KLHL25: variants seen among roughly 807,000 people sequenced by gnomAD.
The protein encoded by KLHL25 is kelch like family member 25, also known as kelch-like protein 25.
A neutral mutation model predicts 30.0 loss-of-function variants in KLHL25; 41 were observed. The observed-to-expected ratio is 1.37, with a 90% CI of 1.07 to 1.78. The LOEUF (loss-of-function observed/expected upper bound fraction) is 1.78, where lower values mean the gene tolerates loss of function less well. KLHL25 is among the 40% of genes most tolerant of loss of function. The pLI, the probability that KLHL25 is intolerant of heterozygous loss-of-function variation, is 0.00. For synonymous variants in KLHL25, 399 were observed against 355.3 expected, an observed-to-expected ratio of 1.12 and a Z score of -1.38; for missense variants, 971 against 824.5, an observed-to-expected ratio of 1.18 and a Z score of -2.18.
At chr15:85,788,698 G>A (rs1189993007) in intron 1 of KLHL25, among the ~76,000 whole-genome samples, 1 of 152,164 alleles carries the variant, frequency 6.6e-6, no homozygotes, top group Non-Finnish European at 1.5e-5. Context: ...GGAGCTCTTT[G>A]AACCTGACTT....
intron 1 of KLHL25, among the ~76,000 whole-genome samples, chr15:85,794,230 G>A (rs946295271): frequency 6.6e-6 from 1 of 152,196 alleles, no homozygotes; most frequent in African/African-American, 2.4e-5. Flanking sequence ...ACCGAAACGA[G>A]GGACCCTGGC....
At chr15:85,787,857 T>G (rs1053690870) in intron 1 of KLHL25, among the ~76,000 whole-genome samples, 1 of 152,076 alleles carries the variant, frequency 6.6e-6, no homozygotes, top group East Asian at 1.9e-4. Context: ...AAGGAGGGGA[T>G]GGACCCTCAC....
At chr15:85,786,013 G>A (rs1456076459) in intron 1 of KLHL25, among the ~76,000 whole-genome samples, 1 of 133,302 alleles carries the variant, frequency 7.5e-6, no homozygotes, top group African/African-American at 2.9e-5. Flanking sequence ...AGAGTGAGAT[G>A]CTTCCCTTAC....
intron 1 of KLHL25, among the ~76,000 whole-genome samples, chr15:85,774,173 G>A (rs979522114): frequency 1.3e-5 from 2 of 152,142 alleles, no homozygotes; most frequent in Non-Finnish European, 2.9e-5. Flanking sequence ...CATGGCTCAC[G>A]TCTTTGGAGC....
chr15:85,784,977 A>T (rs2089771114), intron 1 of KLHL25, among the ~76,000 whole-genome samples: 1 of 152,226 alleles, frequency 6.6e-6, no homozygotes, highest in South Asian at 2.1e-4. Context: ...TAATGTATAG[A>T]CATTAAAAAC....
intron 1 of KLHL25, among the ~76,000 whole-genome samples, chr15:85,790,297 A>AGG (rs1412390560): frequency 6.6e-6 from 1 of 152,182 alleles, no homozygotes; most frequent in African/African-American, 2.4e-5. Context: ...CATGTTGGTC[A>AGG]GGCTGGTCTC....
intron 1 of KLHL25, among the ~76,000 whole-genome samples, chr15:85,780,558 G>C (rs913067167): frequency 6.6e-6 from 1 of 152,340 alleles, no homozygotes; most frequent in Non-Finnish European, 1.5e-5. Flanking sequence ...AGGAGTGACA[G>C]TCTTGGAGGA....
intron 1 of KLHL25, among the ~76,000 whole-genome samples, chr15:85,791,790 A>T (rs2151814435): frequency 6.6e-6 from 1 of 152,324 alleles, no homozygotes; most frequent in Non-Finnish European, 1.5e-5. Flanking sequence ...GATTCTGCAT[A>T]GTATGGTGGT....
intron 1 of KLHL25, among the ~76,000 whole-genome samples, chr15:85,780,949 T>C (rs146434744): frequency 6.6e-6 from 1 of 152,324 alleles, no homozygotes; most frequent in East Asian, 1.9e-4. Flanking sequence ...AAGGAGGGGC[T>C]GCGAACAACT....
chr15:85,768,245 C>T lies in KLHL25; in HGVS notation c.1566G>A (p.Gly522=). Residue 522 remains glycine, a synonymous_variant, in exon 2 of 3, where the codon GGG becomes GGA. Transcript: ENST00000337975. ...AGGACATGCGCTTGGCAGTCATGTCCCCAATCCGCGTCCACTGGTTGGTCT... is the reference window on the plus strand; with the variant it reads ...AGGACATGCGCTTGGCAGTCATGTCTCCAATCCGCGTCCACTGGTTGGTCT... ...DCETNQWTRI[G]DMTAKRMSCH... is the part of the protein sequence containing the mutation. The T allele has an allele frequency of 6.2e-7, 1 of 1,614,138 alleles. No homozygotes were observed. Among genetic ancestry groups the T allele is most frequent in the Non-Finnish European group, 8.5e-7 (1 of 1,180,034 alleles).
chr15:85,785,385 G>A (rs2089774676), intron 1 of KLHL25, among the ~76,000 whole-genome samples: 1 of 152,170 alleles, frequency 6.6e-6, no homozygotes, highest in Non-Finnish European at 1.5e-5. Flanking sequence ...GAGCCACCAC[G>A]CCCGGCCAAC....
intron 1 of KLHL25, among the ~76,000 whole-genome samples, chr15:85,786,062 G>A (rs1440883682): frequency 6.6e-6 from 1 of 151,574 alleles, no homozygotes; most frequent in Non-Finnish European, 1.5e-5. Context: ...ATCAGGAGGT[G>A]TCTAATAAAC....
At chr15:85,777,044 C>T (rs903268327) in intron 1 of KLHL25, among the ~76,000 whole-genome samples, 5 of 152,248 alleles carry the variant, frequency 3.3e-5, no homozygotes, top group African/African-American at 7.2e-5. Context: ...GTACTTAAAC[C>T]TCCCAGCCCT....
intron 1 of KLHL25, among the ~76,000 whole-genome samples, chr15:85,774,607 G>A (rs2089697762): frequency 6.6e-6 from 1 of 152,170 alleles, no homozygotes; most frequent in African/African-American, 2.4e-5. Flanking sequence ...GCCAGTCTCA[G>A]GAAGGCCTGA....
chr15:85,768,062 G>T lies in KLHL25; in HGVS notation c.1749C>A (p.Thr583=). Residue 583 remains threonine (T), a synonymous_variant, in exon 2 of 3, where the codon ACC becomes ACA. Transcript: ENST00000337975. ...CTCCTCACGCGGGCAGGTGCTTCCA[G>T]GTGCTGACAAAGGCCGTGGGGATAA... ...YSLIPTAFVS[T]WKHLPA The T allele has an allele frequency of 6.2e-7, 1 of 1,612,396 alleles. No individual in the cohort carries two copies. Among genetic ancestry groups the T allele is most frequent in the Non-Finnish European group, 8.5e-7 (1 of 1,178,586 alleles).
rs1567238552 is a variant in KLHL25, at chr15:85,768,775, C to CCGT, written c.1033_1035dup (p.Thr345dup). 2 of 1,613,114 alleles carry CCGT rather than the reference C, an allele frequency of 1.2e-6. No individual in the cohort carries two copies. The stretch of plus-strand genomic sequence containing the variant: ...ACCCCGTTCTCGGAGCCCCTGCCCC[C>CCGT]CGTCACATAGACCTTGCAGCCGATC... On this transcript the variant is annotated inframe_insertion, in exon 2 of 3. Coordinates refer to ENST00000337975, the MANE Select transcript of KLHL25 (RefSeq NM_022480.4).
chr15:85,772,834 T>C (rs1037921061), intron 1 of KLHL25, among the ~76,000 whole-genome samples: 2 of 152,256 alleles, frequency 1.3e-5, no homozygotes, highest in Non-Finnish European at 2.9e-5. Flanking sequence ...CAAGAATGCC[T>C]GCCTGCTGAT....
At chr15:85,790,373 C>A (rs1457693044) in intron 1 of KLHL25, among the ~76,000 whole-genome samples, 1 of 152,214 alleles carries the variant, frequency 6.6e-6, no homozygotes, top group Non-Finnish European at 1.5e-5. Context: ...CAGGGGTGAG[C>A]CACCTCGCCC....
At chr15:85,786,628 G>C (rs2089783194) in intron 1 of KLHL25, among the ~76,000 whole-genome samples, 1 of 152,180 alleles carries the variant, frequency 6.6e-6, no homozygotes, top group African/African-American at 2.4e-5. Flanking sequence ...TCTGAGAAGA[G>C]CTCTCAAGCC....
Sources: allele counts gnomAD v4.1 joint callset (sites outside exome capture counted in the v4.1 genomes callset), GRCh38; gene constraint gnomAD v4.1.1; transcripts MANE v1.5; gene names NCBI Gene and HGNC (gene_info 2026-07-23, HGNC 2026-07-21).